The following NELL1 variants were observed in gnomAD, a reference collection of about 807,000 sequenced individuals.
NELL1 encodes neural EGFL like 1, also known as protein kinase C-binding protein NELL1.
In NELL1, 76 loss-of-function variants were observed where a neutral mutation model predicts 107.4. That is an observed-to-expected ratio of 0.71 (90% CI 0.59 to 0.86). The LOEUF (loss-of-function observed/expected upper bound fraction) is 0.86. Ranked by LOEUF, NELL1 falls within the 40% of genes least tolerant of loss-of-function variation. The probability of loss-of-function intolerance (pLI) is 0.00; values close to 1 mark genes in which losing one functional copy is unlikely to be tolerated. For missense variants in NELL1, 1,024 were observed against 1,005.5 expected (o/e 1.02, Z -0.25); for synonymous variants, 353 against 341.2 (o/e 1.03, Z -0.38).
At chr11:21,231,943 C>T (rs1387266171) in intron 14 of NELL1, among the ~76,000 whole-genome samples, 1 of 151,918 alleles carries the variant, frequency 6.6e-6, no homozygotes, top group Non-Finnish European at 1.5e-5. Flanking sequence ...CCTTCTTTCA[C>T]TACTGGTTCT....
chr11:21,553,835 G>A, intron 16 of NELL1, among the ~76,000 whole-genome samples: 1 of 151,760 alleles, frequency 6.6e-6, no homozygotes, highest in Non-Finnish European at 1.5e-5. Context: ...AGCCAACATA[G>A]GCAGCATAAA....
chr11:21,363,194 G>C (rs1410507555), intron 14 of NELL1, among the ~76,000 whole-genome samples: 2 of 152,190 alleles, frequency 1.3e-5, no homozygotes, highest in African/African-American at 4.8e-5. Flanking sequence ...CAATTCCACT[G>C]GTTGCCTGCC....
At chr11:20,673,842 A>AT (rs57671375) in intron 1 of NELL1, among the ~76,000 whole-genome samples, 24,366 of 148,948 alleles carry the variant, frequency 0.16, 2,096 homozygotes, top group African/African-American at 0.22. Flanking sequence ...GAAACAATAC[A>AT]TTTTTTTTTT....
chr11:21,413,205 T>G (rs1852423453), intron 15 of NELL1, among the ~76,000 whole-genome samples: 1 of 152,050 alleles, frequency 6.6e-6, no homozygotes, highest in Non-Finnish European at 1.5e-5. Flanking sequence ...TGTTCAGCCC[T>G]GCTGAGTCAT....
intron 3 of NELL1, among the ~76,000 whole-genome samples, chr11:20,786,311 T>C (rs1287785821): frequency 7.0e-6 from 1 of 142,140 alleles, no homozygotes; most frequent in East Asian, 2.1e-4. Flanking sequence ...GATTGCACCA[T>C]CGCACACCAG....
At chr11:20,858,268 C>A (rs563087950) in intron 4 of NELL1, among the ~76,000 whole-genome samples, 56 of 152,160 alleles carry the variant, frequency 3.7e-4, no homozygotes, top group Admixed American at 7.9e-4. Context: ...CCCCCTATTT[C>A]TGATGAGGCA....
intron 12 of NELL1, among the ~76,000 whole-genome samples, chr11:20,996,046 A>G (rs76163044): frequency 0.015 from 2,232 of 152,310 alleles, 55 homozygotes; most frequent in African/African-American, 0.05. Flanking sequence ...ATCAGGGTTG[A>G]AATTATTACC....
At chr11:21,367,913 G>T (rs1287693653) in intron 14 of NELL1, among the ~76,000 whole-genome samples, 1 of 151,974 alleles carries the variant, frequency 6.6e-6, no homozygotes, top group Non-Finnish European at 1.5e-5. Context: ...ACTAAATAAT[G>T]CTGTGCAAAT....
At chr11:20,844,390 G>A (rs919845552) in intron 3 of NELL1, among the ~76,000 whole-genome samples, 3 of 152,174 alleles carry the variant, frequency 2.0e-5, no homozygotes, top group Admixed American at 6.5e-5. Flanking sequence ...GGGAGCGAAG[G>A]CAGTTTGTTG....
At chr11:21,521,495 A>G (rs868104615) in intron 15 of NELL1, among the ~76,000 whole-genome samples, 1 of 151,040 alleles carries the variant, frequency 6.6e-6, no homozygotes, top group African/African-American at 2.4e-5. Context: ...AAGAAATGCC[A>G]ATATTGTTCA....
At chr11:21,312,086 G>C (rs1334627010) in intron 14 of NELL1, among the ~76,000 whole-genome samples, 1 of 152,112 alleles carries the variant, frequency 6.6e-6, no homozygotes, top group Non-Finnish European at 1.5e-5. Context: ...CTTGATTTTG[G>C]ATTTCCCAGC....
intron 2 of NELL1, among the ~76,000 whole-genome samples, chr11:20,748,133 A>C (rs959132113): frequency 3.3e-5 from 5 of 152,258 alleles, no homozygotes; most frequent in Middle Eastern, 3.4e-3. Flanking sequence ...CTCCATCTGC[A>C]GTGGAATTAG....
Position 21,526,959 on chromosome 11 carries a change from C to T in NELL1, c.1646-7415C>T, listed in dbSNP as rs72959336. On this transcript the variant is annotated intron_variant, in intron 15 of 19. Coordinates refer to ENST00000357134, the MANE Select transcript of NELL1 (RefSeq NM_006157.5). ...TTGGTGATTAGCATTTGGCTCATTACTTATGCAAATTTCTGCTGCCTGCTT... is the reference window on the plus strand; with the variant it reads ...TTGGTGATTAGCATTTGGCTCATTATTTATGCAAATTTCTGCTGCCTGCTT... 6.9e-3 allele frequency among the ~76,000 whole-genome samples: 1,054 copies of T among 152,314 alleles called. 7 individuals carry two copies. Among genetic ancestry groups the T allele is most frequent in the South Asian group, 8.7e-3 (42 of 4,826 alleles).
intron 2 of NELL1, among the ~76,000 whole-genome samples, chr11:20,691,759 T>A (rs1181640720): frequency 6.6e-6 from 1 of 152,004 alleles, no homozygotes; most frequent in Non-Finnish European, 1.5e-5. Context: ...TTTGGTTGTG[T>A]CTCTGACCGG....
chr11:20,730,191 AAAATAAGC>A (rs1280948780), intron 2 of NELL1, among the ~76,000 whole-genome samples: 1 of 152,196 alleles, frequency 6.6e-6, no homozygotes, highest in East Asian at 1.9e-4. Context: ...GTATAGTTGG[AAAATAAGC>A]AAATATGTAA....
chr11:21,019,331 A>G (rs1814705659), intron 12 of NELL1, among the ~76,000 whole-genome samples: 1 of 152,120 alleles, frequency 6.6e-6, no homozygotes, highest in Admixed American at 6.5e-5. Flanking sequence ...AACACAGCTG[A>G]ACTTTAATAC....
chr11:21,315,833 G>C (rs938629105), intron 14 of NELL1, among the ~76,000 whole-genome samples: 13 of 150,068 alleles, frequency 8.7e-5, no homozygotes, highest in African/African-American at 3.2e-4. Context: ...CAGTGAGTCA[G>C]TGAAAGGAAT....
At chr11:21,109,828 C>T (rs1193309025) in intron 12 of NELL1, among the ~76,000 whole-genome samples, 1 of 151,980 alleles carries the variant, frequency 6.6e-6, no homozygotes, top group South Asian at 2.1e-4. Context: ...ATGTTAATTC[C>T]TTTTTTACTC....
intron 12 of NELL1, among the ~76,000 whole-genome samples, chr11:21,038,037 G>T (rs150263368): frequency 5.9e-4 from 89 of 152,112 alleles, no homozygotes; most frequent in African/African-American, 2.0e-3. Context: ...TTAAATTCAG[G>T]AAAAAAATAG....
Sources: allele counts gnomAD v4.1 joint callset (sites outside exome capture counted in the v4.1 genomes callset), GRCh38; gene constraint gnomAD v4.1.1; transcripts MANE v1.5; gene names NCBI Gene and HGNC (gene_info 2026-07-23, HGNC 2026-07-21).